Variants in PAX7 observed in about 807,000 individuals in gnomAD.
The protein encoded by PAX7 is paired box protein Pax-7.
Under a neutral mutation model 50.7 loss-of-function variants are expected in PAX7, and 18 were observed. The ratio of observed to expected loss-of-function variants is 0.36; its 90% CI spans 0.25 to 0.53. The LOEUF (loss-of-function observed/expected upper bound fraction) is 0.53, where lower values mean the gene tolerates loss of function less well. PAX7 is among the 20% of genes least tolerant of loss of function. The probability of loss-of-function intolerance (pLI) is 0.93; values close to 1 mark genes in which losing one functional copy is unlikely to be tolerated. For synonymous variants in PAX7, 310 were observed against 290.4 expected (o/e 1.07, Z -0.69); for missense variants, 644 against 702.9 (o/e 0.92, Z 0.95).
intron 1 of PAX7, among the ~76,000 whole-genome samples, chr1:18,633,739 C>T (rs537673471): frequency 9.3e-4 from 142 of 152,288 alleles, no homozygotes; most frequent in African/African-American, 3.2e-3. Flanking sequence ...CGGCTCTAGC[C>T]AGAGCTGTAA....
Position 18,745,499 on chromosome 1 carries a change from A to AG in PAX7, c.*576dup. The AG allele has an allele frequency of 4.3e-6, 1 of 231,898 alleles. No homozygotes were observed. The highest frequency in any genetic ancestry group is 6.1e-5 in the East Asian group (1 of 16,288). 14.4% of individuals were successfully genotyped at this position (231,898 alleles called of 1,614,324 possible). A position where few individuals can be genotyped will look rare whatever the true frequency, so the allele number is the denominator to read the frequency against. On this transcript the variant is annotated 3_prime_UTR_variant, in exon 9 of 9. Transcript: ENST00000420770. The stretch of plus-strand genomic sequence containing the variant: ...CTGGGGTCTTCCCAGGGGAGTCAGC[A>AG]GGGGGGCAGTCTCACCCCCACCCAG...
At chr1:18,638,805 G>A (rs2088202309) in intron 4 of PAX7, among the ~76,000 whole-genome samples, 1 of 152,166 alleles carries the variant, frequency 6.6e-6, no homozygotes, top group Non-Finnish European at 1.5e-5. Context: ...TCCTGGGCTG[G>A]TCGGCAGGCA....
In PAX7 at chr1:18,744,957, A is replaced by G. The variant is rs1931371667; in HGVS notation, c.*28A>G. The G allele has an allele frequency of 1.5e-6, 2 of 1,328,110 alleles. No individual in the cohort carries two copies. Among genetic ancestry groups the G allele is most frequent in the Non-Finnish European group, 2.1e-6 (2 of 943,670 alleles). The allele number at this position is 1,328,110 out of a possible 1,614,324, so 82.3% of individuals were successfully genotyped here. ...CCCCTGGGGCGACTTGCCCCAGCCC[A>G]ATTCCCAGCCCAACCCTAACTGACC... On this transcript the variant is annotated 3_prime_UTR_variant, in exon 9 of 9. Coordinates refer to ENST00000420770, the MANE Select transcript of PAX7 (RefSeq NM_001135254.2).
At chr1:18,648,516 G>A (rs1211397378) in intron 4 of PAX7, among the ~76,000 whole-genome samples, 1 of 151,818 alleles carries the variant, frequency 6.6e-6, no homozygotes, top group Non-Finnish European at 1.5e-5. Context: ...TAGTTTTTGT[G>A]TCTTTTTGTA....
At chr1:18,713,875 T>C (rs1342603445) in intron 7 of PAX7, among the ~76,000 whole-genome samples, 1 of 152,148 alleles carries the variant, frequency 6.6e-6, no homozygotes, top group African/African-American at 2.4e-5. Flanking sequence ...TTTAGGCACA[T>C]CGTGGACACA....
chr1:18,686,584 G>A (rs2088979179), intron 4 of PAX7, among the ~76,000 whole-genome samples: 1 of 152,132 alleles, frequency 6.6e-6, no homozygotes, highest in South Asian at 2.1e-4. Flanking sequence ...GCCCCAACCA[G>A]CAGGGCCTCT....
chr1:18,667,408 A>AAGGAAGGT (rs2088685057), intron 4 of PAX7, among the ~76,000 whole-genome samples: 1 of 144,380 alleles, frequency 6.9e-6, no homozygotes, highest in Non-Finnish European at 1.5e-5. Context: ...GGAAGGAAGG[A>AAGGAAGGT]AGGAAGGAAG....
chr1:18,687,958 T>G (rs1187515784), intron 4 of PAX7, among the ~76,000 whole-genome samples: 2 of 152,116 alleles, frequency 1.3e-5, no homozygotes, highest in African/African-American at 2.4e-5. Context: ...TCTAGAAAGC[T>G]GCAGGTGACT....
chr1:18,694,184 T>C (rs1204709887), intron 5 of PAX7, among the ~76,000 whole-genome samples: 2 of 152,132 alleles, frequency 1.3e-5, no homozygotes, highest in Non-Finnish European at 1.5e-5. Flanking sequence ...ATAAACGGAC[T>C]GGTGCGGTGG....
rs1931425305 is a variant in PAX7, at chr1:18,746,081, G to A, written c.*1152G>A. On this transcript the variant is annotated 3_prime_UTR_variant, in exon 9 of 9. Transcript: ENST00000420770. Reference sequence around the variant, plus strand: ...CAAACCCCTTTCAGTTTGTGGGGATGCAGAGAGCTACCCTCAGAGCTTTGG... The same window carrying A: ...CAAACCCCTTTCAGTTTGTGGGGATACAGAGAGCTACCCTCAGAGCTTTGG... 1 of 231,730 alleles carries A rather than the reference G, an allele frequency of 4.3e-6. No homozygotes were observed. The highest frequency in any genetic ancestry group is 8.5e-6 in the Non-Finnish European group (1 of 117,128). 14.4% of individuals were successfully genotyped at this position (231,730 alleles called of 1,614,324 possible).
chr1:18,699,436 G>T (rs116128381), intron 5 of PAX7, among the ~76,000 whole-genome samples: 1,580 of 152,204 alleles, frequency 0.01, 28 homozygotes, highest in African/African-American at 0.035. Context: ...GGAACAGCAT[G>T]TGCAAAGCTG....
intron 7 of PAX7, among the ~76,000 whole-genome samples, chr1:18,710,907 G>A (rs1405589890): frequency 6.6e-6 from 1 of 152,186 alleles, no homozygotes; most frequent in Non-Finnish European, 1.5e-5. Flanking sequence ...GGTTTTGGAG[G>A]GATCAGAATT....
intron 4 of PAX7, among the ~76,000 whole-genome samples, chr1:18,685,993 A>G (rs2088968909): frequency 6.6e-6 from 1 of 152,114 alleles, no homozygotes; most frequent in Non-Finnish European, 1.5e-5. Flanking sequence ...TGCCCACCCC[A>G]AAGCTTTGAC....
intron 5 of PAX7, among the ~76,000 whole-genome samples, chr1:18,692,799 A>T (rs989098453): frequency 6.6e-6 from 1 of 152,180 alleles, no homozygotes; most frequent in African/African-American, 2.4e-5. Context: ...GACCCTGAAC[A>T]TCCCCTCCAT....
intron 4 of PAX7, among the ~76,000 whole-genome samples, chr1:18,674,679 G>C (rs2088800045): frequency 6.6e-6 from 1 of 152,222 alleles, no homozygotes; most frequent in Non-Finnish European, 1.5e-5. Flanking sequence ...CTAGGGCATG[G>C]CACCGCTGTC....
intron 7 of PAX7, among the ~76,000 whole-genome samples, chr1:18,722,288 C>T (rs2089504163): frequency 6.6e-6 from 1 of 151,946 alleles, no homozygotes; most frequent in Non-Finnish European, 1.5e-5. Context: ...TTTGCCCAAC[C>T]CCTTCCCCAT....
intron 4 of PAX7, among the ~76,000 whole-genome samples, chr1:18,678,413 A>C (rs761019264): frequency 5.1e-4 from 77 of 152,304 alleles, no homozygotes; most frequent in Admixed American, 2.8e-3. Context: ...AATAAAAAAA[A>C]AAGTGTTCTA....
At chr1:18,712,752 A>G (rs1419325198) in intron 7 of PAX7, among the ~76,000 whole-genome samples, 1 of 152,154 alleles carries the variant, frequency 6.6e-6, no homozygotes, top group Non-Finnish European at 1.5e-5. Context: ...CACCTATCTG[A>G]GTCCGAACAA....
At chr1:18,705,800 G>C (rs1169463607) in intron 7 of PAX7, among the ~76,000 whole-genome samples, 1 of 152,166 alleles carries the variant, frequency 6.6e-6, no homozygotes, top group Non-Finnish European at 1.5e-5. Flanking sequence ...ACCCAGCCCA[G>C]AATTTTACTG....
Sources: gnomAD v4.1 joint callset for allele counts (sites outside exome capture counted in the v4.1 genomes callset) on GRCh38, gnomAD v4.1.1 for gene constraint, MANE v1.5 for transcripts, NCBI Gene and HGNC (gene_info 2026-07-23, HGNC 2026-07-21) for gene names.